The following DCAF5 variants were observed in gnomAD, a reference collection of about 807,000 sequenced individuals.
DCAF5 encodes the protein DDB1 and CUL4 associated factor 5, also known as DDB1- and CUL4-associated factor 5.
Under a neutral mutation model 80.7 loss-of-function variants are expected in DCAF5, and 9 were observed. The ratio of observed to expected loss-of-function variants is 0.11; its 90% confidence interval spans 0.07 to 0.19. The LOEUF is 0.19. Ranked by LOEUF, DCAF5 falls within the 10% of genes least tolerant of loss-of-function variation. DCAF5 has a pLI of 1.00. For synonymous variants in DCAF5, 433 were observed against 461.9 expected, an observed-to-expected ratio of 0.94 and a Z score of 0.80; for missense variants, 842 against 1,205.7, an observed-to-expected ratio of 0.70 and a Z score of 4.47.
chr14:69,141,340 G>T (rs1474279614), intron 1 of DCAF5, among the ~76,000 whole-genome samples: 1 of 125,110 alleles, frequency 8.0e-6, no homozygotes, highest in Admixed American at 9.8e-5. Flanking sequence ...TTTAAACTGG[G>T]ACCTTTTTTT....
chr14:69,068,200 C>CA (rs1186342604), intron 7 of DCAF5, among the ~76,000 whole-genome samples: 3 of 152,068 alleles, frequency 2.0e-5, no homozygotes, highest in Non-Finnish European at 4.4e-5. Flanking sequence ...TCTCTGAAGG[C>CA]AAAAAATGTT....
At chr14:69,070,845 T>C (rs2038661595) in intron 7 of DCAF5, among the ~76,000 whole-genome samples, 1 of 151,904 alleles carries the variant, frequency 6.6e-6, no homozygotes, top group Non-Finnish European at 1.5e-5. Flanking sequence ...TCACCCAGGC[T>C]GGAGTGCAGC....
intron 7 of DCAF5, among the ~76,000 whole-genome samples, chr14:69,070,600 T>C (rs1031743171): frequency 9.9e-5 from 15 of 152,150 alleles, no homozygotes; most frequent in African/African-American, 3.6e-4. Flanking sequence ...AGTCTAATGC[T>C]CCTTTCAATA....
chr14:69,150,178 T>A (rs1218466654), intron 1 of DCAF5, among the ~76,000 whole-genome samples: 1 of 151,954 alleles, frequency 6.6e-6, no homozygotes, highest in East Asian at 1.9e-4. Flanking sequence ...AGCCTGCTGA[T>A]AGGACTAAGA....
intron 5 of DCAF5, among the ~76,000 whole-genome samples, chr14:69,101,617 T>C (rs1464783929): frequency 1.3e-5 from 2 of 152,362 alleles, no homozygotes; most frequent in Non-Finnish European, 2.9e-5. Context: ...CAGTCATGCA[T>C]CGCTTAATGA....
chr14:69,123,336 T>G lies in DCAF5; in HGVS notation c.215-976A>C, dbSNP rs548590545. On this transcript the variant is annotated intron_variant, in intron 1 of 8. Transcript: ENST00000341516. ...AAATACCTGGCACCTACATGAGTGC[T>G]CCAAGGAATGAGCATTGACAGTATG... is the stretch of plus-strand genomic sequence containing the variant. 2.6e-3 allele frequency among the ~76,000 whole-genome samples: 395 copies of G among 152,346 alleles called. 2 individuals are homozygous for G. The highest frequency in any genetic ancestry group is 8.8e-3 in the African/African-American group (365 of 41,584).
At chr14:69,075,484 CA>C (rs921734200) in intron 6 of DCAF5, 73 bp from the exon 7 acceptor site, 10 of 1,003,352 alleles carry the variant, frequency 1.0e-5, no homozygotes, top group Middle Eastern at 3.2e-4. Flanking sequence ...TAACAATAAA[CA>C]TATTAATTTT....
chr14:69,135,470 CTATTT>C lies in DCAF5; in HGVS notation c.215-13115_215-13111del, dbSNP rs899967961. Among the ~76,000 whole-genome samples the C allele has an allele frequency of 9.2e-5, 14 of 152,282 alleles. No individual in the cohort carries two copies. In the South Asian group the frequency reaches 1.2e-3, roughly 14 times the overall value. On this transcript the variant is annotated intron_variant, in intron 1 of 8. Coordinates refer to ENST00000341516, the MANE Select transcript of DCAF5 (RefSeq NM_003861.3). ...TCTGCTGCACACTGAAAAACAATAC[CTATTT>C]TGTGAAAAAGTATCTATGAGATAGT...
intron 2 of DCAF5, among the ~76,000 whole-genome samples, chr14:69,120,125 C>G (rs2040670073): frequency 6.6e-6 from 1 of 152,038 alleles, no homozygotes; most frequent in Non-Finnish European, 1.5e-5. Flanking sequence ...GCTCTGTTGT[C>G]CAGGCTGGAG....
At chr14:69,115,162 A>C (rs141293340) in intron 5 of DCAF5, among the ~76,000 whole-genome samples, 1 of 152,196 alleles carries the variant, frequency 6.6e-6, no homozygotes, top group Non-Finnish European at 1.5e-5. Context: ...CAAGCCTCCT[A>C]AAGTTCATAG....
intron 7 of DCAF5, among the ~76,000 whole-genome samples, chr14:69,067,739 C>G (rs150693591): frequency 1.3e-5 from 2 of 151,786 alleles, no homozygotes; most frequent in Non-Finnish European, 2.9e-5. Context: ...CCAGTTCAAG[C>G]GATTCTCCTG....
At chr14:69,120,568 A>G (rs754144636) in intron 2 of DCAF5, among the ~76,000 whole-genome samples, 3 of 152,210 alleles carry the variant, frequency 2.0e-5, no homozygotes, top group Non-Finnish European at 4.4e-5. Context: ...AAACCTGAAT[A>G]TAAGAAGACA....
At chr14:69,084,886 G>T in intron 6 of DCAF5, 1 of 1,325,544 alleles carries the variant, frequency 7.5e-7, no homozygotes, top group East Asian at 2.3e-5. Flanking sequence ...ATGACCCTCC[G>T]GATGACCCTA....
Position 69,122,301 on chromosome 14 carries a change from T to C in DCAF5, c.274A>G (p.Lys92Glu). 1 of 1,614,038 alleles carries C rather than the reference T, an allele frequency of 6.2e-7. No individual in the cohort carries two copies. The highest frequency in any genetic ancestry group is 1.1e-5 in the South Asian group (1 of 91,048). The change falls in exon 2 of 9, where the codon AAG becomes GAG. Residue 92 changes from lysine (K) to glutamate (E), a missense_variant. Physicochemically the swap from Lys to Glu is moderately conservative, Grantham distance 56 (BLOSUM62 1). Coordinates refer to ENST00000341516, the MANE Select transcript of DCAF5 (RefSeq NM_003861.3). Reference protein sequence around the residue: ...HMEQAIHSRVKPIQLKGEHHS... With the variant: ...HMEQAIHSRVEPIQLKGEHHS... ...TGCTCTCCTTTCAGCTGTATGGGCT[T>C]GACCCTGGAGTGGATGGCTTGTTCC...
rs1231053859 is a variant in DCAF5 at position 69,052,984 on chromosome 14, C to T, written c.*873G>A. On this transcript the variant is annotated 3_prime_UTR_variant, in exon 9 of 9. Transcript: ENST00000341516. ...TGCCCTTCTTTCACTATGCCTCGAT[C>T]GATCATGGGAGCCAAGGAAGCACCT... The T allele has an allele frequency of 6.6e-6, 1 of 152,214 alleles. No homozygotes were observed. The highest frequency in any genetic ancestry group is 1.9e-4 in the East Asian group (1 of 5,204). 9.4% of individuals were successfully genotyped at this position (152,214 alleles called of 1,614,324 possible). A position where few individuals can be genotyped will look rare whatever the true frequency, so the allele number is the denominator to read the frequency against.
intron 1 of DCAF5, among the ~76,000 whole-genome samples, chr14:69,137,640 T>C (rs1027023306): frequency 2.0e-5 from 3 of 152,174 alleles, no homozygotes; most frequent in African/African-American, 7.2e-5. Context: ...TAAACAGAGA[T>C]GTCAACCCTG....
intron 1 of DCAF5, among the ~76,000 whole-genome samples, chr14:69,136,535 AT>A (rs986973222): frequency 6.6e-5 from 10 of 151,534 alleles, no homozygotes; most frequent in East Asian, 3.9e-4. Context: ...TCTTCTCGCT[AT>A]TTTTTTTTAA....
chr14:69,125,574 A>G (rs1340709535), intron 1 of DCAF5, among the ~76,000 whole-genome samples: 1 of 152,264 alleles, frequency 6.6e-6, no homozygotes, highest in Non-Finnish European at 1.5e-5. Context: ...ATTTAGACAG[A>G]TTCTCACAAA....
intron 5 of DCAF5, among the ~76,000 whole-genome samples, chr14:69,108,921 T>C (rs1417967046): frequency 6.6e-6 from 1 of 152,208 alleles, no homozygotes; most frequent in African/African-American, 2.4e-5. Flanking sequence ...TTCTCTCTTT[T>C]GTCCCTTTAA....
Sources: gnomAD v4.1 joint callset for allele counts (sites outside exome capture counted in the v4.1 genomes callset) on GRCh38, gnomAD v4.1.1 for gene constraint, MANE v1.5 for transcripts, NCBI Gene and HGNC (gene_info 2026-07-23, HGNC 2026-07-21) for gene names.